The following KIF6 variants were observed in gnomAD, a reference collection of about 807,000 sequenced individuals.
The protein encoded by KIF6 is kinesin family member 6, also known as kinesin-like protein KIF6.
KIF6 carries 106 observed loss-of-function variants against 112.7 expected under a neutral mutation model. The observed-to-expected ratio is 0.94, with a 90% CI of 0.80 to 1.11. The LOEUF (loss-of-function observed/expected upper bound fraction) is 1.11, where lower values mean the gene tolerates loss of function less well. Ranked by LOEUF, KIF6 falls within the 50% of genes least tolerant of loss-of-function variation. The probability of loss-of-function intolerance (pLI) is 0.00; values close to 1 mark genes in which losing one functional copy is unlikely to be tolerated. For missense variants in KIF6, 929 were observed against 964.0 expected (o/e 0.96, Z 0.48); for synonymous variants, 339 against 339.9 (o/e 1.00, Z 0.03).
chr6:39,556,743 A>G (rs1050024413), intron 10 of KIF6, among the ~76,000 whole-genome samples: 7 of 152,170 alleles, frequency 4.6e-5, no homozygotes, highest in African/African-American at 1.7e-4. Context: ...AAAGAAGTTT[A>G]TTGGGAAATT....
chr6:39,707,768 C>T (rs186763589), intron 3 of KIF6, among the ~76,000 whole-genome samples: 142 of 152,306 alleles, frequency 9.3e-4, no homozygotes, highest in African/African-American at 3.2e-3. Context: ...AGGGCACTGA[C>T]GCTTGTAAAG....
intron 15 of KIF6, among the ~76,000 whole-genome samples, chr6:39,406,693 T>A (rs1769109708): frequency 6.6e-6 from 1 of 152,170 alleles, no homozygotes; most frequent in Non-Finnish European, 1.5e-5. Flanking sequence ...TTCTAGTTTA[T>A]CTTGGGACTT....
intron 3 of KIF6, among the ~76,000 whole-genome samples, chr6:39,645,484 C>A (rs1253164038): frequency 1.3e-5 from 2 of 152,146 alleles, no homozygotes; most frequent in Non-Finnish European, 2.9e-5. Flanking sequence ...CAAGATACAG[C>A]CTTGCATTCC....
intron 14 of KIF6, among the ~76,000 whole-genome samples, chr6:39,421,767 A>G (rs1770385823): frequency 6.6e-6 from 1 of 152,186 alleles, no homozygotes; most frequent in African/African-American, 2.4e-5. Flanking sequence ...TTCTCTCCTC[A>G]GCGACGGCCT....
chr6:39,660,868 T>A (rs906674162), intron 3 of KIF6, among the ~76,000 whole-genome samples: 1 of 152,210 alleles, frequency 6.6e-6, no homozygotes, highest in Non-Finnish European at 1.5e-5. Context: ...ATTCCATAAT[T>A]ATATCAAGTT....
At chr6:39,725,218 C>G in intron 1 of KIF6, 27 bp downstream of exon 1, 6 of 1,598,210 alleles carry the variant, frequency 3.8e-6, no homozygotes, top group Non-Finnish European at 5.1e-6. Context: ...CCCGCCGCGC[C>G]GGCGCCCCGG....
At chr6:39,387,370 G>T (rs1767514747) in intron 15 of KIF6, among the ~76,000 whole-genome samples, 1 of 152,076 alleles carries the variant, frequency 6.6e-6, no homozygotes, top group African/African-American at 2.4e-5. Context: ...AACATCACCA[G>T]TCCTTAGGTA....
chr6:39,529,114 G>A (rs1204444358), intron 13 of KIF6, among the ~76,000 whole-genome samples: 1 of 152,124 alleles, frequency 6.6e-6, no homozygotes, highest in Non-Finnish European at 1.5e-5. Context: ...ATATGCAGAA[G>A]AACAAAACCG....
chr6:39,507,575 C>T (rs1776492120), intron 13 of KIF6, among the ~76,000 whole-genome samples: 1 of 151,870 alleles, frequency 6.6e-6, no homozygotes, highest in Non-Finnish European at 1.5e-5. Context: ...CATAACCTAC[C>T]ATATAACTGC....
chr6:39,506,901 C>T (rs1458214507), intron 13 of KIF6, among the ~76,000 whole-genome samples: 1 of 152,114 alleles, frequency 6.6e-6, no homozygotes, highest in Non-Finnish European at 1.5e-5. Context: ...TATCAAGGTG[C>T]TGGGAGGGCA....
chr6:39,445,133 C>A (rs770929430), intron 13 of KIF6, among the ~76,000 whole-genome samples: 1 of 152,164 alleles, frequency 6.6e-6, no homozygotes, highest in South Asian at 2.1e-4. Context: ...ATCTGTACAG[C>A]GATTGTACTC....
rs201139898 is a variant in KIF6, at chr6:39,720,230, A to G, written c.176+472T>C. On this transcript the variant is annotated intron_variant, in intron 2 of 22. Transcript: ENST00000287152. ...CTCAATTCAGTTTGAACATACTTCA[A>G]GTGTTCAAGAACCACATGTGGCTTG... Among the ~76,000 whole-genome samples the G allele has an allele frequency of 4.6e-5, 7 of 152,318 alleles. No individual in the cohort carries two copies. In the East Asian group the frequency reaches 1.3e-3, roughly 29 times the overall value.
chr6:39,549,860 C>G (rs150582046), intron 10 of KIF6, among the ~76,000 whole-genome samples: 230 of 152,274 alleles, frequency 1.5e-3, no homozygotes, highest in African/African-American at 5.3e-3. Flanking sequence ...AACACTCATA[C>G]TATATATGGA....
chr6:39,357,745 G>A (rs1426240534), intron 18 of KIF6, among the ~76,000 whole-genome samples: 7 of 152,068 alleles, frequency 4.6e-5, no homozygotes, highest in East Asian at 3.9e-4. Flanking sequence ...CACCATACCC[G>A]GCCTTGATGT....
intron 3 of KIF6, among the ~76,000 whole-genome samples, chr6:39,663,375 AGAG>A (rs1158854210): frequency 1.3e-5 from 2 of 152,180 alleles, no homozygotes; most frequent in African/African-American, 2.4e-5. Flanking sequence ...GATGACAGGA[AGAG>A]GAGAAGTAGG....
chr6:39,624,303 A>C lies in KIF6; in HGVS notation c.509+10546T>G, dbSNP rs188085258. Among the ~76,000 whole-genome samples, 447 of 152,318 alleles carry C rather than the reference A, an allele frequency of 2.9e-3. 3 individuals carry two copies. Among genetic ancestry groups the C allele is most frequent in the Non-Finnish European group, 5.4e-3 (370 of 68,018 alleles). On this transcript the variant is annotated intron_variant, in intron 5 of 22. Transcript: ENST00000287152. ...CAAAAGAGCTAATTGAGATTCTTGC[A>C]ATATGGTAAATTGTTGGTATACATG...
intron 16 of KIF6, among the ~76,000 whole-genome samples, chr6:39,380,284 T>C (rs1766811966): frequency 1.3e-5 from 2 of 152,216 alleles, no homozygotes; most frequent in Non-Finnish European, 2.9e-5. Context: ...TGGTTATTGA[T>C]GTTTGTCTTA....
intron 12 of KIF6, among the ~76,000 whole-genome samples, chr6:39,543,751 T>C (rs1183501739): frequency 6.6e-6 from 1 of 152,128 alleles, no homozygotes; most frequent in East Asian, 1.9e-4. Flanking sequence ...TGAGAAACAA[T>C]ACCAAAGAAA....
intron 15 of KIF6, among the ~76,000 whole-genome samples, chr6:39,412,595 A>G (rs1423391007): frequency 6.6e-6 from 1 of 152,208 alleles, no homozygotes; most frequent in Non-Finnish European, 1.5e-5. Flanking sequence ...TTCTCTTACA[A>G]CCATGTTTCT....
Sources: allele counts gnomAD v4.1 joint callset (sites outside exome capture counted in the v4.1 genomes callset), GRCh38; gene constraint gnomAD v4.1.1; transcripts MANE v1.5; gene names NCBI Gene and HGNC (gene_info 2026-07-23, HGNC 2026-07-21).